The following MAP3K7 variants were observed in gnomAD, a reference collection of about 807,000 sequenced individuals.
MAP3K7 encodes TGF-beta activated kinase 1.
Under a neutral mutation model 84.8 loss-of-function variants are expected in MAP3K7, and 21 were observed. That is an observed-to-expected ratio of 0.25 (90% CI 0.18 to 0.36). The LOEUF (loss-of-function observed/expected upper bound fraction) is 0.36, where lower values mean the gene tolerates loss of function less well. MAP3K7 is among the 10% of genes least tolerant of loss of function. The pLI is 1.00. For missense variants in MAP3K7, 503 were observed against 747.7 expected (o/e 0.67, Z 3.82); for synonymous variants, 241 against 247.7 (o/e 0.97, Z 0.25).
At chr6:90,518,636 G>C (rs776841571) in intron 15 of MAP3K7, 74 bp from the exon 16 acceptor site, 10 of 768,662 alleles carry the variant, frequency 1.3e-5, no homozygotes, top group Non-Finnish European at 2.3e-5. Context: ...AGTCAAGACA[G>C]AGACTGTGAT....
rs1395444577 is a variant in MAP3K7, at chr6:90,515,220, T to C, written c.*1281A>G. The C allele has an allele frequency of 1.3e-5, 2 of 151,960 alleles. No individual in the cohort carries two copies. Among genetic ancestry groups the C allele is most frequent in the Non-Finnish European group, 2.9e-5 (2 of 67,892 alleles). The allele number at this position is 151,960 out of a possible 1,614,324, so 9.4% of individuals were successfully genotyped here. A position where few individuals can be genotyped will look rare whatever the true frequency, so the allele number is the denominator to read the frequency against. ...ATAAAAATCAGACTGATGACATCCTTATTTAAAAGACATCTTGTACTGGTA... is the reference window on the plus strand; with the variant it reads ...ATAAAAATCAGACTGATGACATCCTCATTTAAAAGACATCTTGTACTGGTA... On this transcript the variant is annotated 3_prime_UTR_variant, in exon 17 of 17. Coordinates refer to ENST00000369329, the MANE Select transcript of MAP3K7 (RefSeq NM_145331.3).
chr6:90,586,541 T>A (rs1005169823), intron 1 of MAP3K7, among the ~76,000 whole-genome samples: 1 of 151,982 alleles, frequency 6.6e-6, no homozygotes, highest in African/African-American at 2.4e-5. Flanking sequence ...AAATCCAAAA[T>A]CAAGAGTACC....
At chr6:90,585,914 C>A (rs1024249877) in intron 1 of MAP3K7, among the ~76,000 whole-genome samples, 1 of 152,164 alleles carries the variant, frequency 6.6e-6, no homozygotes, top group African/African-American at 2.4e-5. Context: ...TTAAACATTA[C>A]GAGTATTGCT....
At position 90,565,732 on chromosome 6, in the gene MAP3K7, A is replaced by T. The variant is rs557504210; in HGVS notation, c.297+2826T>A. On this transcript the variant is annotated intron_variant, in intron 3 of 16. Coordinates refer to ENST00000369329, the MANE Select transcript of MAP3K7 (RefSeq NM_145331.3). ...ATTTTATGAGGCCAGCATCATTCTG[A>T]TACCAAAGCCTGGCATAAAAACAAC... Among the ~76,000 whole-genome samples, 12 of 152,340 alleles carry T rather than the reference A, an allele frequency of 7.9e-5. No homozygotes were observed. The East Asian group carries it at 2.1e-3, about 27-fold the overall frequency.
At chr6:90,583,233 C>A (rs555402846) in intron 1 of MAP3K7, among the ~76,000 whole-genome samples, 1 of 152,220 alleles carries the variant, frequency 6.6e-6, no homozygotes, top group East Asian at 1.9e-4. Context: ...TGAGAATGTT[C>A]ATTAAATGCT....
chr6:90,568,651 A>G (rs1315034463), intron 2 of MAP3K7, 28 bp from the exon 3 acceptor site: 2 of 1,561,614 alleles, frequency 1.3e-6, no homozygotes, highest in Non-Finnish European at 1.7e-6. Context: ...TTTCTTTTAA[A>G]AAGTGATAAC....
At position 90,550,379 on chromosome 6, in the gene MAP3K7, G is replaced by A; in HGVS notation, c.949+89C>T. 4.9e-6 allele frequency: 4 copies of A among 811,852 alleles called. 1 individual carries two copies. The highest frequency in any genetic ancestry group is 1.8e-5 in the South Asian group (1 of 54,172). The allele number at this position is 811,852 out of a possible 1,614,324, so 50.3% of individuals were successfully genotyped here. ...ATGAAGGAATTAAAATGCAAATGGG[G>A]ACATTATTCATTACTTCTTGATTAT... On this transcript the variant is annotated intron_variant, in intron 9 of 16. Transcript: ENST00000369329.
Position 90,562,446 on chromosome 6 carries a change from G to A in MAP3K7, c.298-779C>T, listed in dbSNP as rs144623426. Among the ~76,000 whole-genome samples, 1,240 of 152,318 alleles carry A rather than the reference G, an allele frequency of 8.1e-3. 37 individuals carry two copies. The highest frequency in any genetic ancestry group is 0.058 in the Admixed American group (882 of 15,306). On this transcript the variant is annotated intron_variant, in intron 3 of 16. Transcript: ENST00000369329. Reference sequence around the variant, plus strand: ...ATTATATCCTGCACCTGGCTCGGAGGGTCCCATGCCCACGGTGCCTCACTC... The same window carrying A: ...ATTATATCCTGCACCTGGCTCGGAGAGTCCCATGCCCACGGTGCCTCACTC...
chr6:90,517,956 T>A (rs1046360043), intron 16 of MAP3K7, among the ~76,000 whole-genome samples: 23 of 151,612 alleles, frequency 1.5e-4, no homozygotes, highest in Admixed American at 6.6e-4. Context: ...TTAAGAACTG[T>A]GAATGCAGTA....
At chr6:90,532,516 T>C (rs1177355105) in intron 13 of MAP3K7, among the ~76,000 whole-genome samples, 2 of 152,196 alleles carry the variant, frequency 1.3e-5, no homozygotes, top group Admixed American at 1.3e-4. Context: ...CTAGTAAAAG[T>C]AGATTATAAA....
rs1777082607 is a variant in MAP3K7, at chr6:90,576,441, ACACAC to A, written c.121-4639_121-4635del. Among the ~76,000 whole-genome samples the A allele has an allele frequency of 2.0e-5, 3 of 150,268 alleles. No individual in the cohort carries two copies. The South Asian group carries it at 6.3e-4, about 32-fold the overall frequency. ...CTGTCACACACACACACACACACAC[ACACAC>A]ACACACACACACACACACACACACA... On this transcript the variant is annotated intron_variant, in intron 1 of 16. Transcript: ENST00000369329.
intron 12 of MAP3K7, chr6:90,536,638 T>C (rs1340627643): frequency 1.0e-5 from 5 of 486,894 alleles, no homozygotes; most frequent in Non-Finnish European, 1.9e-5. Flanking sequence ...CAACAGAGTA[T>C]GTCCTAATAC....
intron 6 of MAP3K7, among the ~76,000 whole-genome samples, chr6:90,554,869 TATTACTAAATTGA>T (rs1397876450): frequency 1.9e-4 from 29 of 152,352 alleles, no homozygotes; most frequent in African/African-American, 6.5e-4. Flanking sequence ...ATTATTCATT[TATTACTAAATTGA>T]ATTTTAGGGC....
At chr6:90,522,915 T>C (rs1775198025) in intron 14 of MAP3K7, among the ~76,000 whole-genome samples, 1 of 152,184 alleles carries the variant, frequency 6.6e-6, no homozygotes, top group Admixed American at 6.6e-5. Flanking sequence ...AGAGATCATC[T>C]TTCCCTTCGT....
chr6:90,582,880 C>CTTTTT (rs535938524), intron 1 of MAP3K7, among the ~76,000 whole-genome samples: 1 of 129,162 alleles, frequency 7.7e-6, no homozygotes, highest in South Asian at 2.5e-4. Flanking sequence ...CTTCTATCAT[C>CTTTTT]TTTTTTTTTT....
chr6:90,545,908 G>C (rs1167177648), intron 11 of MAP3K7, among the ~76,000 whole-genome samples: 1 of 152,116 alleles, frequency 6.6e-6, no homozygotes, highest in Non-Finnish European at 1.5e-5. Context: ...AAAGAACTTG[G>C]ATGTCTATTT....
At chr6:90,568,993 A>G (rs1339317342) in intron 2 of MAP3K7, among the ~76,000 whole-genome samples, 2 of 152,242 alleles carry the variant, frequency 1.3e-5, no homozygotes, top group East Asian at 1.9e-4. Flanking sequence ...ACTGAGCTGC[A>G]TTATCCAAAC....
chr6:90,523,602 T>C (rs1294700629), intron 14 of MAP3K7, 76 bp downstream of exon 14: 5 of 928,964 alleles, frequency 5.4e-6, no homozygotes, highest in Non-Finnish European at 8.8e-6. Context: ...TTGTAAACAT[T>C]AGAGTAATGA....
In MAP3K7 at chr6:90,585,753, C is replaced by T. The variant is rs112007083; in HGVS notation, c.120+1011G>A. On this transcript the variant is annotated intron_variant, in intron 1 of 16. Coordinates refer to ENST00000369329, the MANE Select transcript of MAP3K7 (RefSeq NM_145331.3). ...AGAAAGGATATGGGTTTTCTGATAG[C>T]GATTTCTAGTCTAATATTATATTCT... is the stretch of plus-strand genomic sequence containing the variant. 2.2e-3 allele frequency among the ~76,000 whole-genome samples: 339 copies of T among 152,218 alleles called. 1 individual carries two copies. Among genetic ancestry groups the T allele is most frequent in the African/African-American group, 7.6e-3 (317 of 41,510 alleles).
Sources: gnomAD v4.1 joint callset for allele counts (sites outside exome capture counted in the v4.1 genomes callset) on GRCh38, gnomAD v4.1.1 for gene constraint, MANE v1.5 for transcripts, NCBI Gene and HGNC (gene_info 2026-07-23, HGNC 2026-07-21) for gene names.